The following DGKD variants were observed in gnomAD, a reference collection of about 807,000 sequenced individuals.
DGKD encodes diacylglycerol kinase delta.
A neutral mutation model predicts 154.4 loss-of-function variants in DGKD; 68 were observed. The observed-to-expected ratio is 0.44, with a 90% CI of 0.36 to 0.54. The LOEUF (loss-of-function observed/expected upper bound fraction) is 0.54. DGKD is among the 20% of genes least tolerant of loss of function. The pLI is 0.00. For synonymous variants in DGKD, 693 were observed against 638.0 expected, an observed-to-expected ratio of 1.09 and a Z score of -1.30; for missense variants, 1,343 against 1,593.6, an observed-to-expected ratio of 0.84 and a Z score of 2.68.
chr2:233,429,506 C>G (rs2062435410), intron 3 of DGKD, among the ~76,000 whole-genome samples: 1 of 152,156 alleles, frequency 6.6e-6, no homozygotes, highest in African/African-American at 2.4e-5. Context: ...CTCCCTGAGT[C>G]CCACTCTCAG....
intron 1 of DGKD, among the ~76,000 whole-genome samples, chr2:233,375,862 AAGC>A (rs369512247): frequency 2.4e-4 from 36 of 152,178 alleles, no homozygotes; most frequent in African/African-American, 8.2e-4. Context: ...GAGCATTTTA[AAGC>A]AAATACTTCT....
At position 233,354,844 on chromosome 2, in the gene DGKD, G is replaced by A. The variant is rs1300871456; in HGVS notation, c.156+170G>A. Reference sequence around the variant, plus strand: ...TGCCCCGCCGCTGTAACGGGCCGGCGCCCCGGGCGGAGCGCGCGGCCCCCG... The same window carrying A: ...TGCCCCGCCGCTGTAACGGGCCGGCACCCCGGGCGGAGCGCGCGGCCCCCG... On this transcript the variant is annotated intron_variant, in intron 1 of 29. Transcript: ENST00000264057. This position sits in a 1 kb window ranked among gnomAD's most constrained non-coding sequence, Gnocchi z 4.8. 1.4e-5 allele frequency among the ~76,000 whole-genome samples: 2 copies of A among 144,912 alleles called. No individual in the cohort carries two copies. The highest frequency in any genetic ancestry group is 1.4e-4 in the Admixed American group (2 of 14,708).
rs530471356 is a variant in DGKD at position 233,418,894 on chromosome 2, G to C, written c.349-15486G>C. On this transcript the variant is annotated intron_variant, in intron 3 of 29. Coordinates refer to ENST00000264057, the MANE Select transcript of DGKD (RefSeq NM_152879.3). ...GCTGTGCGGAGCTCACCCGGACCTG[G>C]GCACTCAGGCTCTTTCTATATGGGG... Among the ~76,000 whole-genome samples, 20 of 152,260 alleles carry C rather than the reference G, an allele frequency of 1.3e-4. No homozygotes were observed. The South Asian group carries it at 3.5e-3, about 27-fold the overall frequency.
intron 1 of DGKD, among the ~76,000 whole-genome samples, chr2:233,384,515 A>C (rs1169069949): frequency 6.6e-6 from 1 of 152,006 alleles, no homozygotes; most frequent in Non-Finnish European, 1.5e-5. Flanking sequence ...AACTCCCCTG[A>C]CGTCCTCGAG....
At chr2:233,370,600 A>T (rs1284871322) in intron 1 of DGKD, among the ~76,000 whole-genome samples, 2 of 145,404 alleles carry the variant, frequency 1.4e-5, no homozygotes, top group African/African-American at 5.3e-5. Flanking sequence ...GTTTGAGTGA[A>T]TAATACTCTG....
intron 2 of DGKD, chr2:233,389,117 G>A (rs1348400663): frequency 6.6e-6 from 1 of 151,742 alleles, no homozygotes; most frequent in African/African-American, 2.4e-5. Flanking sequence ...TGCCCGCCTT[G>A]GCCTCCCAAG....
intron 1 of DGKD, among the ~76,000 whole-genome samples, chr2:233,358,466 A>C (rs1701626364): frequency 6.6e-6 from 1 of 152,224 alleles, no homozygotes; most frequent in Non-Finnish European, 1.5e-5. Context: ...GTTTTATGAG[A>C]TATAATTCAC....
At position 233,469,468 on chromosome 2, in the gene DGKD, C is replaced by T. The variant is rs746543063; in HGVS notation, c.*8C>T. Reference sequence around the variant, plus strand: ...CCCGCCGTCGAGGCCTAGCCTCTGTCCTCTCAGCCTGTGGCCTCCACATCC... The same window carrying T: ...CCCGCCGTCGAGGCCTAGCCTCTGTTCTCTCAGCCTGTGGCCTCCACATCC... On this transcript the variant is annotated 3_prime_UTR_variant, in exon 30 of 30. Transcript: ENST00000264057. 5.9e-5 allele frequency: 93 copies of T among 1,589,070 alleles called. No individual in the cohort carries two copies. The highest frequency in any genetic ancestry group is 3.0e-4 in the Admixed American group (17 of 56,614).
rs191909500 is a variant in DGKD, at chr2:233,412,739, A to G, written c.349-21641A>G. Reference sequence around the variant, plus strand: ...TGTTAGCTGTAGGCTTTTTGTAGGTATCCTTTATCAGTTTGAGGATGTTCT... The same window carrying G: ...TGTTAGCTGTAGGCTTTTTGTAGGTGTCCTTTATCAGTTTGAGGATGTTCT... On this transcript the variant is annotated intron_variant, in intron 3 of 29. Coordinates refer to ENST00000264057, the MANE Select transcript of DGKD (RefSeq NM_152879.3). 5.3e-5 allele frequency among the ~76,000 whole-genome samples: 8 copies of G among 152,320 alleles called. No homozygotes were observed. The East Asian group carries it at 1.2e-3, about 22-fold the overall frequency.
intron 7 of DGKD, among the ~76,000 whole-genome samples, 158 bp downstream of exon 7, chr2:233,436,599 C>T (rs1359555270): frequency 1.3e-5 from 2 of 152,368 alleles, no homozygotes; most frequent in Non-Finnish European, 1.5e-5. Context: ...GGTCATTCTC[C>T]TTCTTAGCTA....
At chr2:233,406,839 C>T (rs1034839884) in intron 3 of DGKD, among the ~76,000 whole-genome samples, 2 of 152,110 alleles carry the variant, frequency 1.3e-5, no homozygotes, top group African/African-American at 4.8e-5. Flanking sequence ...TGTGCTCATA[C>T]CGTATAGCTC....
chr2:233,370,162 C>T (rs1702238542), intron 1 of DGKD, among the ~76,000 whole-genome samples: 1 of 152,096 alleles, frequency 6.6e-6, no homozygotes, highest in South Asian at 2.1e-4. Context: ...CTGCTGACAA[C>T]CACTAATCTG....
chr2:233,438,221 C>T lies in DGKD; in HGVS notation c.927C>T (p.Phe309=), dbSNP rs6736670. ...TALNSIDSDG[F]WKASCPPSCT... Reference sequence around the variant, plus strand: ...TCTGTTCGTTCTTGCGTCCAGGGTTCTGGAAGGCCAGCTGTCCTCCTTCTT... The same window carrying T: ...TCTGTTCGTTCTTGCGTCCAGGGTTTTGGAAGGCCAGCTGTCCTCCTTCTT... Residue 309 remains phenylalanine (F), a synonymous_variant, in exon 9 of 30, where the codon TTC becomes TTT. Coordinates refer to ENST00000264057, the MANE Select transcript of DGKD (RefSeq NM_152879.3). This position sits in a 1 kb window ranked among gnomAD's most constrained non-coding sequence, Gnocchi z 4.1. 2 of 1,613,876 alleles carry T rather than the reference C, an allele frequency of 1.2e-6. No homozygotes were observed. The highest frequency in any genetic ancestry group is 1.7e-6 in the Non-Finnish European group (2 of 1,179,982).
intron 10 of DGKD, chr2:233,442,235 C>G: frequency 1.6e-6 from 1 of 636,214 alleles, no homozygotes; most frequent in Non-Finnish European, 2.9e-6. Flanking sequence ...CTGAAGGGAG[C>G]TACGAAAAGA....
chr2:233,392,691 A>G (rs973738576), intron 3 of DGKD, among the ~76,000 whole-genome samples: 15 of 152,212 alleles, frequency 9.9e-5, no homozygotes, highest in Admixed American at 7.2e-4. Context: ...ATTATTTGTC[A>G]AGAAGACTTT....
chr2:233,431,484 T>G (rs1477252371), intron 3 of DGKD, among the ~76,000 whole-genome samples: 2 of 152,158 alleles, frequency 1.3e-5, no homozygotes, highest in African/African-American at 2.4e-5. Context: ...ATTCTAAAAT[T>G]TATATGGATC....
At chr2:233,464,395 G>A (rs1278291641) in intron 27 of DGKD, 112 bp downstream of exon 27, 12 of 1,414,428 alleles carry the variant, frequency 8.5e-6, no homozygotes, top group Middle Eastern at 2.2e-4. Context: ...GTGTCGCTCC[G>A]GCAGCCCCTG....
Position 233,459,956 on chromosome 2 carries a change from C to G in DGKD, c.2829+65C>G. 6.5e-7 allele frequency: 1 copy of G among 1,533,672 alleles called. No homozygotes were observed. Among genetic ancestry groups the G allele is most frequent in the African/African-American group, 1.4e-5 (1 of 71,124 alleles). ...GCTCACCTGTGGGCTCTTGTGTGCACTGTTAAGAGCTGGAGCTTTTTGTGT... is the reference window on the plus strand; with the variant it reads ...GCTCACCTGTGGGCTCTTGTGTGCAGTGTTAAGAGCTGGAGCTTTTTGTGT... On this transcript the variant is annotated intron_variant, in intron 23 of 29. Coordinates refer to ENST00000264057, the MANE Select transcript of DGKD (RefSeq NM_152879.3). This position sits in a 1 kb window ranked among gnomAD's most constrained non-coding sequence, Gnocchi z 5.7.
At chr2:233,436,640 A>C (rs1175935135) in intron 7 of DGKD, among the ~76,000 whole-genome samples, 199 bp downstream of exon 7, 1 of 152,210 alleles carries the variant, frequency 6.6e-6, no homozygotes, top group Non-Finnish European at 1.5e-5. Context: ...TTTTGCATTT[A>C]TTCCTGTCTT....
Sources: allele counts gnomAD v4.1 joint callset (sites outside exome capture counted in the v4.1 genomes callset), GRCh38; gene constraint gnomAD v4.1.1; non-coding constraint Gnocchi (gnomAD v3.1); transcripts MANE v1.5; gene names NCBI Gene and HGNC (gene_info 2026-07-23, HGNC 2026-07-21).